The following SLC25A25 variants were observed in gnomAD, a reference collection of about 807,000 sequenced individuals.
The protein encoded by SLC25A25 is mitochondrial adenyl nucleotide antiporter SLC25A25.
SLC25A25 carries 32 observed loss-of-function variants against 57.7 expected under a neutral mutation model. The ratio of observed to expected loss-of-function variants is 0.55; its 90% CI spans 0.42 to 0.74. SLC25A25 has a LOEUF of 0.74. Among genes scored for constraint, SLC25A25 ranks in the 30% least tolerant of loss-of-function variants. The pLI is 0.00. For synonymous variants in SLC25A25, 306 were observed against 291.2 expected, an observed-to-expected ratio of 1.05 and a Z score of -0.52; for missense variants, 556 against 701.3, an observed-to-expected ratio of 0.79 and a Z score of 2.34.
At chr9:128,106,790 C>T (rs1834058992) in intron 9 of SLC25A25, among the ~76,000 whole-genome samples, 1 of 152,160 alleles carries the variant, frequency 6.6e-6, no homozygotes, top group Admixed American at 6.5e-5. Context: ...CTCACAGGCC[C>T]CAGCACACTC....
chr9:128,088,153 C>T (rs1588763178), intron 1 of SLC25A25, among the ~76,000 whole-genome samples: 2 of 152,266 alleles, frequency 1.3e-5, no homozygotes, highest in Admixed American at 1.3e-4. Context: ...AGTAGTTTGA[C>T]CCTTGCAGGG....
In SLC25A25 at chr9:128,106,421, G is replaced by T. The variant is rs761962113; in HGVS notation, c.1113G>T (p.Arg371Ser). Residue 371 changes from arginine to serine, a missense_variant, in exon 9 of 11, where the codon AGG becomes AGT. Arg to Ser is a moderately radical substitution (Grantham distance 110). Coordinates refer to ENST00000373069, the MANE Select transcript of SLC25A25 (RefSeq NM_001330988.2). ...QYSGMLDCAR[R>S]ILAREGVAAF... is the part of the protein sequence containing the mutation. ...CAGGAATGCTGGACTGCGCCAGGAG[G>T]ATCCTGGCCAGAGAGGGGGTGGCCG... 1.2e-6 allele frequency: 2 copies of T among 1,613,708 alleles called. No homozygotes were observed. Among genetic ancestry groups the T allele is most frequent in the Non-Finnish European group, 1.7e-6 (2 of 1,179,916 alleles).
chr9:128,106,783 A>C (rs1834058766), intron 9 of SLC25A25, among the ~76,000 whole-genome samples: 1 of 152,092 alleles, frequency 6.6e-6, no homozygotes, highest in South Asian at 2.1e-4. Flanking sequence ...CCAGGAGCTC[A>C]CAGGCCCCAG....
chr9:128,104,876 T>A (rs920509720), intron 6 of SLC25A25, among the ~76,000 whole-genome samples: 2 of 149,124 alleles, frequency 1.3e-5, no homozygotes, highest in Non-Finnish European at 3.0e-5. Context: ...TTATATTTTT[T>A]GAGACAGTCT....
intron 1 of SLC25A25, chr9:128,091,939 G>C: frequency 6.2e-7 from 1 of 1,613,868 alleles, no homozygotes; most frequent in Non-Finnish European, 8.5e-7. Context: ...GCTCCAGAGA[G>C]GGGGACGATC....
intron 1 of SLC25A25, among the ~76,000 whole-genome samples, chr9:128,092,518 T>C (rs1833438995): frequency 6.6e-6 from 1 of 152,074 alleles, no homozygotes; most frequent in Non-Finnish European, 1.5e-5. Context: ...ATCCTGAAGG[T>C]CACAGTCCCC....
intron 1 of SLC25A25, among the ~76,000 whole-genome samples, chr9:128,085,662 A>G (rs7854499): frequency 0.74 from 112,700 of 151,552 alleles, 43,695 homozygotes; most frequent in Non-Finnish European, 0.85. Flanking sequence ...TAGGGTGGAA[A>G]CTGAAGTCAC....
chr9:128,083,513 C>CTTTTT (rs1315501906), intron 1 of SLC25A25, among the ~76,000 whole-genome samples: 2,480 of 117,420 alleles, frequency 0.021, 116 homozygotes, highest in African/African-American at 0.038. Context: ...TTTCTTTTTT[C>CTTTTT]TTTTTTTTTT....
intron 1 of SLC25A25, among the ~76,000 whole-genome samples, chr9:128,078,458 G>A (rs1433793813): frequency 6.6e-6 from 1 of 152,118 alleles, no homozygotes; most frequent in African/African-American, 2.4e-5. Flanking sequence ...GTGTGGAAGG[G>A]GATGTCCGCT....
chr9:128,074,539 T>C (rs916933837), intron 1 of SLC25A25, among the ~76,000 whole-genome samples: 1 of 151,086 alleles, frequency 6.6e-6, no homozygotes, highest in South Asian at 2.1e-4. Context: ...TGAAACCCCA[T>C]CTGTATTAAA....
chr9:128,092,735 A>T (rs533370065), intron 1 of SLC25A25, among the ~76,000 whole-genome samples: 67 of 152,332 alleles, frequency 4.4e-4, no homozygotes, highest in African/African-American at 1.5e-3. Context: ...GAGCCAAGGT[A>T]AGTGGTAGTA....
chr9:128,093,190 T>C (rs1289778697), intron 1 of SLC25A25, among the ~76,000 whole-genome samples: 1 of 150,380 alleles, frequency 6.6e-6, no homozygotes, highest in Non-Finnish European at 1.5e-5. Context: ...GGAGAAGTCT[T>C]CGTCTTTGAT....
chr9:128,091,684 C>T (rs1242376989), intron 1 of SLC25A25: 1 of 1,298,708 alleles, frequency 7.7e-7, no homozygotes, highest in South Asian at 2.6e-5. Flanking sequence ...AGCTACTTCT[C>T]AGGCCGGGCA....
At chr9:128,104,403 TTCTC>T (rs966975623) in intron 6 of SLC25A25, among the ~76,000 whole-genome samples, 1 of 152,166 alleles carries the variant, frequency 6.6e-6, no homozygotes, top group African/African-American at 2.4e-5. Flanking sequence ...GCTGCCTCCT[TTCTC>T]TCCCCAGTCT....
chr9:128,092,538 T>C (rs1833439607), intron 1 of SLC25A25, among the ~76,000 whole-genome samples: 3 of 152,038 alleles, frequency 2.0e-5, no homozygotes, highest in Admixed American at 2.0e-4. Context: ...CTTGCCTGGG[T>C]CCGACCCATC....
chr9:128,102,750 C>T lies in SLC25A25; in HGVS notation c.624+269C>T, dbSNP rs951485697. ...GTCCCCACATGCTCCCTGCTCCCTG[C>T]TCCTCATGGGCCACTTCAAATACCC... On this transcript the variant is annotated intron_variant, in intron 5 of 10. Coordinates refer to ENST00000373069, the MANE Select transcript of SLC25A25 (RefSeq NM_001330988.2). The surrounding 1 kb of genome is among the most constrained non-coding windows in gnomAD (Gnocchi z 4.1). Among the ~76,000 whole-genome samples the T allele has an allele frequency of 5.9e-5, 9 of 152,238 alleles. No homozygotes were observed. Among genetic ancestry groups the T allele is most frequent in the Admixed American group, 5.9e-4 (9 of 15,288 alleles).
At chr9:128,075,265 C>T (rs548072459) in intron 1 of SLC25A25, among the ~76,000 whole-genome samples, 1 of 151,892 alleles carries the variant, frequency 6.6e-6, no homozygotes, top group South Asian at 2.1e-4. Flanking sequence ...AGAGACTGTG[C>T]CACTGCACTT....
Position 128,107,464 on chromosome 9 carries a change from C to T in SLC25A25, c.*20C>T. 1 of 1,504,806 alleles carries T rather than the reference C, an allele frequency of 6.6e-7. No homozygotes were observed. Among genetic ancestry groups the T allele is most frequent in the Non-Finnish European group, 8.9e-7 (1 of 1,126,428 alleles). The allele number at this position is 1,504,806 out of a possible 1,614,324, so 93.2% of individuals were successfully genotyped here. On this transcript the variant is annotated 3_prime_UTR_variant, in exon 11 of 11. Transcript: ENST00000373069. ...CGGTGACGGGGGGAGGGCCGCCCGG[C>T]AGTGGACTCGCTGATCCTGGGCCGC...
Position 128,092,151 on chromosome 9 carries a change from G to GA in SLC25A25, c.262-8939dup, listed in dbSNP as rs562305262. 2.6e-6 allele frequency: 4 copies of GA among 1,557,580 alleles called. No individual in the cohort carries two copies. The East Asian group carries it at 9.1e-5, about 35-fold the overall frequency. On this transcript the variant is annotated intron_variant, in intron 1 of 10. Transcript: ENST00000373069. The stretch of plus-strand genomic sequence containing the variant: ...CCTGGTCTGGGATCATTTTCCTGGG[G>GA]AAAAAACGAGTGTGGGGAGGAAGGG...
Sources: allele counts gnomAD v4.1 joint callset (sites outside exome capture counted in the v4.1 genomes callset), GRCh38; gene constraint gnomAD v4.1.1; non-coding constraint Gnocchi (gnomAD v3.1); transcripts MANE v1.5; gene names NCBI Gene and HGNC (gene_info 2026-07-23, HGNC 2026-07-21).